Variants in GLRA3 observed in about 807,000 individuals in gnomAD.
GLRA3 encodes the protein glycine receptor subunit alpha-3.
A neutral mutation model predicts 60.4 loss-of-function variants in GLRA3; 44 were observed. The observed-to-expected ratio is 0.73, with a 90% CI of 0.57 to 0.94. The LOEUF is 0.94. Among genes scored for constraint, GLRA3 ranks in the 40% least tolerant of loss-of-function variants. GLRA3 has a pLI of 0.00. For missense variants in GLRA3, 508 were observed against 564.6 expected (o/e 0.90, Z 1.02); for synonymous variants, 223 against 192.9 (o/e 1.16, Z -1.29).
intron 1 of GLRA3, among the ~76,000 whole-genome samples, chr4:174,806,899 G>C (rs1740073977): frequency 6.6e-6 from 1 of 152,002 alleles, no homozygotes; most frequent in South Asian, 2.1e-4. Context: ...ATGGAAGACT[G>C]TATATGCAAT....
chr4:174,670,545 T>C (rs1047320266), intron 7 of GLRA3, among the ~76,000 whole-genome samples: 6 of 152,172 alleles, frequency 3.9e-5, no homozygotes, highest in Non-Finnish European at 8.8e-5. Flanking sequence ...TGCAAACATA[T>C]CTTTGTTTTT....
At chr4:174,772,730 C>T (rs574503919) in intron 2 of GLRA3, among the ~76,000 whole-genome samples, 1 of 152,240 alleles carries the variant, frequency 6.6e-6, no homozygotes, top group African/African-American at 2.4e-5. Flanking sequence ...GGAGCCATAA[C>T]AGATTCTTAA....
At chr4:174,649,560 G>A (rs1046516042) in intron 9 of GLRA3, among the ~76,000 whole-genome samples, 2 of 152,070 alleles carry the variant, frequency 1.3e-5, no homozygotes, top group African/African-American at 4.8e-5. Context: ...GGAACTCTCA[G>A]CTCTGATTAA....
chr4:174,651,531 C>A (rs928274475), intron 9 of GLRA3, among the ~76,000 whole-genome samples: 2 of 151,956 alleles, frequency 1.3e-5, no homozygotes, highest in Non-Finnish European at 2.9e-5. Context: ...GGAAAGAATA[C>A]AAATAACAAC....
chr4:174,682,652 T>C, intron 6 of GLRA3, 150 bp downstream of exon 6: 1 of 513,046 alleles, frequency 1.9e-6, no homozygotes, highest in Non-Finnish European at 3.4e-6. Context: ...TGAATCAAAG[T>C]ATTCATAGGT....
chr4:174,767,564 A>T (rs995590021), intron 2 of GLRA3, among the ~76,000 whole-genome samples: 2 of 152,040 alleles, frequency 1.3e-5, no homozygotes, highest in African/African-American at 4.8e-5. Flanking sequence ...TAAAGTTTTC[A>T]TTTCCCTAGA....
At chr4:174,789,025 C>T (rs1047948369) in intron 1 of GLRA3, 82 bp from the exon 2 acceptor site, 3 of 867,502 alleles carry the variant, frequency 3.5e-6, no homozygotes, top group Non-Finnish European at 5.2e-6. Flanking sequence ...AATAGAAATG[C>T]TGAGCTAAAT....
chr4:174,714,473 A>C (rs575093124), intron 5 of GLRA3, among the ~76,000 whole-genome samples: 8 of 152,338 alleles, frequency 5.3e-5, no homozygotes, highest in African/African-American at 1.9e-4. Flanking sequence ...TTATAAAAGT[A>C]ATCAATTTAA....
intron 9 of GLRA3, among the ~76,000 whole-genome samples, chr4:174,647,388 C>A (rs1366546756): frequency 1.4e-5 from 2 of 143,572 alleles, no homozygotes; most frequent in Non-Finnish European, 3.0e-5. Flanking sequence ...ACCTGGGTGA[C>A]AGAGTGAGAG....
intron 4 of GLRA3, chr4:174,722,636 TC>T (rs1263843693): frequency 6.4e-6 from 1 of 156,580 alleles, no homozygotes; most frequent in Non-Finnish European, 1.5e-5. Flanking sequence ...TATTCTTTAT[TC>T]CGTTTATTTC....
At chr4:174,794,992 G>A (rs577045586) in intron 1 of GLRA3, among the ~76,000 whole-genome samples, 2 of 151,370 alleles carry the variant, frequency 1.3e-5, no homozygotes, top group African/African-American at 4.8e-5. Context: ...ATCATGCCTA[G>A]AATAGTCTCA....
chr4:174,671,525 T>C (rs971530511), intron 7 of GLRA3, among the ~76,000 whole-genome samples: 5 of 152,218 alleles, frequency 3.3e-5, no homozygotes, highest in Admixed American at 1.3e-4. Context: ...GCCAACACAA[T>C]TGTGGTGTTC....
At chr4:174,684,931 C>T (rs549102948) in intron 5 of GLRA3, among the ~76,000 whole-genome samples, 1 of 152,222 alleles carries the variant, frequency 6.6e-6, no homozygotes, top group Middle Eastern at 3.4e-3. Flanking sequence ...ATCATTTGAA[C>T]CTGGGAGGCG....
intron 2 of GLRA3, among the ~76,000 whole-genome samples, chr4:174,783,750 C>G (rs908358918): frequency 6.6e-6 from 1 of 150,640 alleles, no homozygotes; most frequent in African/African-American, 2.4e-5. Context: ...CAGAGAAATG[C>G]AAATCAAAAC....
intron 4 of GLRA3, among the ~76,000 whole-genome samples, chr4:174,721,935 T>C (rs552979851): frequency 1.3e-5 from 2 of 151,798 alleles, no homozygotes; most frequent in Non-Finnish European, 2.9e-5. Flanking sequence ...ATATAACAAA[T>C]AGGGAAACTA....
In GLRA3 at chr4:174,785,532, C is replaced by T. The variant is rs565513236; in HGVS notation, c.199+3284G>A. 5.6e-4 allele frequency among the ~76,000 whole-genome samples: 85 copies of T among 152,182 alleles called. 1 individual carries two copies. In the Middle Eastern group the frequency reaches 0.01, roughly 18 times the overall value. Reference sequence around the variant, plus strand: ...CTAATGAGATTAAACATTTCCATTTCGTTTCTGTTAATTGTCTGATAATGT... The same window carrying T: ...CTAATGAGATTAAACATTTCCATTTTGTTTCTGTTAATTGTCTGATAATGT... On this transcript the variant is annotated intron_variant, in intron 2 of 9. Transcript: ENST00000274093.
chr4:174,743,194 T>C (rs1290817343), intron 3 of GLRA3, among the ~76,000 whole-genome samples: 1 of 152,170 alleles, frequency 6.6e-6, no homozygotes, highest in African/African-American at 2.4e-5. Flanking sequence ...AAATTAACAT[T>C]GATACAATAC....
At chr4:174,719,702 G>A (rs928698631) in intron 4 of GLRA3, among the ~76,000 whole-genome samples, 3 of 151,682 alleles carry the variant, frequency 2.0e-5, no homozygotes, top group Admixed American at 1.3e-4. Flanking sequence ...ATTGTCATCT[G>A]ATCATAGAGA....
chr4:174,709,129 C>T (rs963719184), intron 5 of GLRA3, among the ~76,000 whole-genome samples: 4 of 151,888 alleles, frequency 2.6e-5, no homozygotes, highest in Non-Finnish European at 5.9e-5. Flanking sequence ...ATGTTGCTAG[C>T]GCTTCAAACA....
Sources: gnomAD v4.1 joint callset for allele counts (sites outside exome capture counted in the v4.1 genomes callset) on GRCh38, gnomAD v4.1.1 for gene constraint, MANE v1.5 for transcripts, NCBI Gene and HGNC (gene_info 2026-07-23, HGNC 2026-07-21) for gene names.